Variants in ARMC9 observed in about 807,000 individuals in gnomAD.
ARMC9 encodes the protein lisH domain-containing protein ARMC9.
ARMC9 carries 94 observed loss-of-function variants against 107.0 expected under a neutral mutation model. The ratio of observed to expected loss-of-function variants is 0.88; its 90% CI spans 0.74 to 1.04. ARMC9 has a LOEUF of 1.04. Among genes scored for constraint, ARMC9 ranks in the 50% least tolerant of loss-of-function variants. The probability of loss-of-function intolerance (pLI) is 0.00; values close to 1 mark genes in which losing one functional copy is unlikely to be tolerated. For missense variants in ARMC9, 942 were observed against 1,030.1 expected, an observed-to-expected ratio of 0.91 and a Z score of 1.17; for synonymous variants, 380 against 396.9, an observed-to-expected ratio of 0.96 and a Z score of 0.51.
intron 1 of ARMC9, among the ~76,000 whole-genome samples, chr2:231,204,176 GA>G (rs5839392): frequency 0.14 from 13,729 of 98,206 alleles, 952 homozygotes; most frequent in East Asian, 0.24. Flanking sequence ...TCTGTCTCAG[GA>G]AAAAAAAAAA....
chr2:231,248,222 C>T (rs1409897795), intron 9 of ARMC9, among the ~76,000 whole-genome samples: 3 of 152,218 alleles, frequency 2.0e-5, no homozygotes, highest in Non-Finnish European at 4.4e-5. Context: ...CTTCCTCCCT[C>T]CCTGCCCACA....
intron 24 of ARMC9, 70 bp downstream of exon 24, chr2:231,370,195 C>T: frequency 7.0e-7 from 1 of 1,431,622 alleles, no homozygotes. Context: ...GGGCATTTTG[C>T]TGCTATATTT....
intron 21 of ARMC9, chr2:231,345,311 TC>T: frequency 1.3e-6 from 1 of 761,218 alleles, no homozygotes. Flanking sequence ...TTACAGGATC[TC>T]CAGGGCCACT....
chr2:231,247,791 C>T (rs1225505552), intron 9 of ARMC9, among the ~76,000 whole-genome samples: 4 of 152,070 alleles, frequency 2.6e-5, no homozygotes, highest in Non-Finnish European at 4.4e-5. Context: ...ATTAGCCGAG[C>T]GTGGTGGCAC....
chr2:231,237,403 A>AT (rs1215074929), intron 8 of ARMC9, among the ~76,000 whole-genome samples: 1 of 151,994 alleles, frequency 6.6e-6, no homozygotes, highest in Non-Finnish European at 1.5e-5. Context: ...GAACATTTAG[A>AT]TTTTTTGTTT....
intron 19 of ARMC9, among the ~76,000 whole-genome samples, chr2:231,300,468 T>G (rs902864737): frequency 3.9e-5 from 6 of 152,210 alleles, no homozygotes; most frequent in African/African-American, 9.6e-5. Context: ...TCACAGTGAT[T>G]CTGACAACAG....
At chr2:231,338,776 A>C (rs2044299370) in intron 20 of ARMC9, among the ~76,000 whole-genome samples, 1 of 152,034 alleles carries the variant, frequency 6.6e-6, no homozygotes, top group African/African-American at 2.4e-5. Flanking sequence ...GTTTTTCTTC[A>C]TATATCTTCT....
rs1050591579 is a variant in ARMC9, at chr2:231,370,121, G to A, written c.2430G>A (p.Leu810=). 5 of 1,525,786 alleles carry A rather than the reference G, an allele frequency of 3.3e-6. No homozygotes were observed. The African/African-American group carries it at 5.5e-5, about 17-fold the overall frequency. 94.5% of individuals were successfully genotyped at this position (1,525,786 alleles called of 1,614,324 possible). The stretch of plus-strand genomic sequence containing the variant: ...CCACAGCGTCCTCCACAAGGGGCCT[G>A]CCGAGTAAGTCAGCCTGGGCCCCAC... ...PGSTASSTRG[L]PSSQSHRK is the part of the protein sequence containing the mutation. The change falls in exon 24 of 25, where the codon CTG becomes CTA. Residue 810 remains leucine (L), a synonymous_variant. Transcript: ENST00000611582.
At chr2:231,301,222 A>G (rs1204891387) in intron 19 of ARMC9, among the ~76,000 whole-genome samples, 4 of 152,338 alleles carry the variant, frequency 2.6e-5, no homozygotes, top group Middle Eastern at 3.4e-3. Context: ...TGAGTTAGGC[A>G]GTGTAGCAAG....
intron 23 of ARMC9, among the ~76,000 whole-genome samples, chr2:231,361,904 A>G (rs868836561): frequency 3.7e-4 from 57 of 152,198 alleles, no homozygotes; most frequent in African/African-American, 1.3e-3. Flanking sequence ...AGTGGCAGAC[A>G]GGAGGAGGAT....
intron 7 of ARMC9, among the ~76,000 whole-genome samples, chr2:231,227,401 A>G (rs540096711): frequency 6.6e-6 from 1 of 152,288 alleles, no homozygotes; most frequent in African/African-American, 2.4e-5. Flanking sequence ...CTTTGATACT[A>G]CGTTTTGACA....
At position 231,331,672 on chromosome 2, in the gene ARMC9, G is replaced by A. The variant is rs2043746203; in HGVS notation, c.1774-121G>A. 3 of 790,744 alleles carry A rather than the reference G, an allele frequency of 3.8e-6. No homozygotes were observed. In the South Asian group the frequency reaches 5.2e-5, roughly 14 times the overall value. The allele number at this position is 790,744 out of a possible 1,614,324, so 49.0% of individuals were successfully genotyped here. The stretch of plus-strand genomic sequence containing the variant: ...CTGAGCCCCCTTGGAATATAAGCCT[G>A]CAAGTTGCTGTGATTGGCCGAGGCC... On this transcript the variant is annotated intron_variant, in intron 19 of 24. Coordinates refer to ENST00000611582, the MANE Select transcript of ARMC9 (RefSeq NM_001352754.2).
chr2:231,283,071 G>A (rs923889925), intron 17 of ARMC9, among the ~76,000 whole-genome samples: 3 of 152,260 alleles, frequency 2.0e-5, no homozygotes, highest in Admixed American at 2.0e-4. Flanking sequence ...GGAGGGGGTG[G>A]GGAGTGAAGC....
intron 13 of ARMC9, among the ~76,000 whole-genome samples, chr2:231,271,371 A>G (rs190503464): frequency 6.6e-6 from 1 of 152,318 alleles, no homozygotes; most frequent in African/African-American, 2.4e-5. Flanking sequence ...ATCACAGGTA[A>G]TGAATGCATC....
intron 20 of ARMC9, among the ~76,000 whole-genome samples, chr2:231,337,290 ATTTTTTTTTTTT>A (rs58078324): frequency 1.8e-4 from 7 of 38,018 alleles, no homozygotes; most frequent in African/African-American, 8.5e-4. Context: ...ATATATATAT[ATTTTTTTTTTTT>A]TTTTTTTTTT....
At chr2:231,366,193 C>A (rs905888508) in intron 23 of ARMC9, among the ~76,000 whole-genome samples, 3 of 152,162 alleles carry the variant, frequency 2.0e-5, no homozygotes, top group Non-Finnish European at 4.4e-5. Context: ...GTTGGCAGAA[C>A]CCCTTCTTGC....
rs1449955050 is a variant in ARMC9 at position 231,375,132 on chromosome 2, G to A, written c.*3597G>A. Among the ~76,000 whole-genome samples the A allele has an allele frequency of 6.6e-6, 1 of 152,214 alleles. No individual in the cohort carries two copies. The highest frequency in any genetic ancestry group is 1.5e-5 in the Non-Finnish European group (1 of 68,026). ...ATAATGATTTGGATCAGTGATGGGG[G>A]CTGGGCACGGACAGGCGATTCTTCT... On this transcript the variant is annotated 3_prime_UTR_variant, in exon 25 of 25. Coordinates refer to ENST00000611582, the MANE Select transcript of ARMC9 (RefSeq NM_001352754.2). The surrounding 1 kb of genome is among the most constrained non-coding windows in gnomAD (Gnocchi z 4.3).
intron 9 of ARMC9, among the ~76,000 whole-genome samples, chr2:231,249,968 C>T (rs2125392286): frequency 1.6e-5 from 2 of 127,218 alleles, no homozygotes; most frequent in South Asian, 5.6e-4. Context: ...TGCACACCTC[C>T]ACGGGAGGGA....
intron 18 of ARMC9, among the ~76,000 whole-genome samples, chr2:231,292,522 C>G (rs1463068514): frequency 6.6e-6 from 1 of 152,210 alleles, no homozygotes; most frequent in African/African-American, 2.4e-5. Context: ...CAGCCTCCTC[C>G]ATTACCATAA....
Sources: gnomAD v4.1 joint callset for allele counts (sites outside exome capture counted in the v4.1 genomes callset) on GRCh38, gnomAD v4.1.1 for gene constraint, Gnocchi (gnomAD v3.1) non-coding constraint, MANE v1.5 for transcripts, NCBI Gene and HGNC (gene_info 2026-07-23, HGNC 2026-07-21) for gene names.